The following ART4 variants were observed in gnomAD, a reference collection of about 807,000 sequenced individuals.
ART4 encodes ecto-ADP-ribosyltransferase 4.
ART4 carries 14 observed loss-of-function variants against 24.2 expected under a neutral mutation model. The ratio of observed to expected loss-of-function variants is 0.58; its 90% CI spans 0.38 to 0.90. ART4 has a LOEUF of 0.90. Among genes scored for constraint, ART4 ranks in the 40% least tolerant of loss-of-function variants. The probability of loss-of-function intolerance (pLI) is 0.00; values close to 1 mark genes in which losing one functional copy is unlikely to be tolerated. For synonymous variants in ART4, 145 were observed against 139.9 expected (o/e 1.04, Z -0.26); for missense variants, 356 against 366.6 (o/e 0.97, Z 0.24).
Position 14,826,227 on chromosome 12 carries a change from G to T in ART4, c.*3144C>A, listed in dbSNP as rs1397736886. On this transcript the variant is annotated 3_prime_UTR_variant, in exon 3 of 3. Transcript: ENST00000228936. ...TTTGGACTATAGGGAGAGACTGAGG[G>T]GATGTGAGCTATGTACATTTATCCT... 1 of 152,172 alleles carries T rather than the reference G, an allele frequency of 6.6e-6. No homozygotes were observed. The highest frequency in any genetic ancestry group is 2.4e-5 in the African/African-American group (1 of 41,432). 9.4% of individuals were successfully genotyped at this position (152,172 alleles called of 1,614,324 possible).
chr12:14,830,536 AGTGTGTGT>A (rs55694373), intron 2 of ART4, among the ~76,000 whole-genome samples: 14,846 of 124,088 alleles, frequency 0.12, 1,055 homozygotes, highest in South Asian at 0.19. Context: ...TCTATATAGG[AGTGTGTGT>A]GTGTGTGTGT....
chr12:14,842,542 T>C (rs1039301042), intron 1 of ART4, among the ~76,000 whole-genome samples: 3 of 152,232 alleles, frequency 2.0e-5, no homozygotes, highest in African/African-American at 7.2e-5. Flanking sequence ...TTTGTTAATA[T>C]GTTACTAGAT....
intron 2 of ART4, among the ~76,000 whole-genome samples, chr12:14,836,674 G>A (rs1950433238): frequency 6.6e-6 from 1 of 152,178 alleles, no homozygotes; most frequent in African/African-American, 2.4e-5. Context: ...TAGAACCAGA[G>A]GATGGACCAG....
intron 1 of ART4, 181 bp from the exon 2 acceptor site, chr12:14,841,334 T>TG: frequency 1.9e-6 from 1 of 536,472 alleles, no homozygotes; most frequent in Non-Finnish European, 3.1e-6. Context: ...GTGCTAGAGA[T>TG]TGAATTTGGT....
At chr12:14,835,586 G>A (rs1175961634) in intron 2 of ART4, among the ~76,000 whole-genome samples, 1 of 151,112 alleles carries the variant, frequency 6.6e-6, no homozygotes, top group East Asian at 1.9e-4. Flanking sequence ...GCGAATAACT[G>A]AAAACATTCT....
Position 14,841,025 on chromosome 12 carries a change from C to A in ART4, c.273G>T (p.Lys91Asn). ...CTTTTTGCCACATCCTAAAATAATT[C>A]TTCTGGGCTTCTATGTCTTTTGTGA... ...DYFTKDIEAQ[K>N]NYFRMWQKAH... Residue 91 changes from lysine to asparagine, a missense_variant, in exon 2 of 3, where the codon AAG becomes AAT. Coordinates refer to ENST00000228936, the MANE Select transcript of ART4 (RefSeq NM_021071.4). 1.9e-6 allele frequency: 3 copies of A among 1,614,172 alleles called. No homozygotes were observed. Among genetic ancestry groups the A allele is most frequent in the East Asian group, 2.2e-5 (1 of 44,884 alleles).
intron 1 of ART4, 127 bp downstream of exon 1, chr12:14,842,843 G>T (rs1863073511): frequency 1.7e-6 from 2 of 1,202,734 alleles, no homozygotes; most frequent in South Asian, 3.4e-5. Context: ...AACATGATTT[G>T]TTAAAATGTC....
At chr12:14,832,302 T>G (rs905774111) in intron 2 of ART4, among the ~76,000 whole-genome samples, 7 of 152,210 alleles carry the variant, frequency 4.6e-5, no homozygotes, top group Non-Finnish European at 8.8e-5. Context: ...TGCTTCTTAC[T>G]TGAGACATTT....
rs1418994888 is a variant in ART4 at position 14,826,491 on chromosome 12, GC to G, written c.*2879del. 6.6e-6 allele frequency: 1 copy of G among 152,160 alleles called. No individual in the cohort carries two copies. The highest frequency in any genetic ancestry group is 6.5e-5 in the Admixed American group (1 of 15,276). The allele number at this position is 152,160 out of a possible 1,614,324, so 9.4% of individuals were successfully genotyped here. On this transcript the variant is annotated 3_prime_UTR_variant, in exon 3 of 3. Coordinates refer to ENST00000228936, the MANE Select transcript of ART4 (RefSeq NM_021071.4). Reference sequence around the variant, plus strand: ...TCTGTAGTCTGTAGTCTGGGATCAGGCCCTAAAATTCACATTTCTAATGAGT... The same window carrying G: ...TCTGTAGTCTGTAGTCTGGGATCAGGCCTAAAATTCACATTTCTAATGAGT...
chr12:14,832,219 C>G (rs1321741014), intron 2 of ART4, among the ~76,000 whole-genome samples: 1 of 152,168 alleles, frequency 6.6e-6, no homozygotes, highest in Non-Finnish European at 1.5e-5. Flanking sequence ...CCTATGTGAT[C>G]GAATCTACAT....
intron 2 of ART4, among the ~76,000 whole-genome samples, chr12:14,832,189 C>T (rs1950401232): frequency 6.6e-6 from 1 of 152,186 alleles, no homozygotes; most frequent in Admixed American, 6.5e-5. Context: ...AGCCAAAGTC[C>T]TTACAACTGC....
intron 2 of ART4, among the ~76,000 whole-genome samples, chr12:14,839,097 A>T (rs1235789017): frequency 6.6e-6 from 1 of 152,132 alleles, no homozygotes; most frequent in East Asian, 1.9e-4. Context: ...GCCCTTTCTA[A>T]GATGTTGACC....
intron 2 of ART4, among the ~76,000 whole-genome samples, chr12:14,837,154 C>A (rs1950436467): frequency 6.6e-6 from 1 of 152,154 alleles, no homozygotes; most frequent in African/African-American, 2.4e-5. Context: ...CGTTTACAAG[C>A]TTTTCTGCAT....
At chr12:14,841,988 G>A (rs768217444) in intron 1 of ART4, among the ~76,000 whole-genome samples, 3 of 152,190 alleles carry the variant, frequency 2.0e-5, no homozygotes, top group Non-Finnish European at 2.9e-5. Flanking sequence ...ACAGCAGAGT[G>A]AGTCAAGGGT....
At position 14,829,354 on chromosome 12, in the gene ART4, G is replaced by T; in HGVS notation, c.*17C>A. On this transcript the variant is annotated 3_prime_UTR_variant, in exon 3 of 3. Coordinates refer to ENST00000228936, the MANE Select transcript of ART4 (RefSeq NM_021071.4). The stretch of plus-strand genomic sequence containing the variant: ...ATTTAAATATTTTTTTTAAATAAAA[G>T]GAGCCACAAGATTTCTTTATACTCT... 6.8e-7 allele frequency: 1 copy of T among 1,477,770 alleles called. No individual in the cohort carries two copies. Among genetic ancestry groups the T allele is most frequent in the South Asian group, 1.4e-5 (1 of 69,716 alleles). 91.5% of individuals were successfully genotyped at this position (1,477,770 alleles called of 1,614,324 possible).
Position 14,829,311 on chromosome 12 carries a change from G to T in ART4, c.*60C>A, listed in dbSNP as rs1212724505. The T allele has an allele frequency of 6.9e-6, 8 of 1,166,964 alleles. No homozygotes were observed. In the East Asian group the frequency reaches 1.9e-4, roughly 28 times the overall value. The allele number at this position is 1,166,964 out of a possible 1,614,324, so 72.3% of individuals were successfully genotyped here. A position where few individuals can be genotyped will look rare whatever the true frequency, so the allele number is the denominator to read the frequency against. On this transcript the variant is annotated 3_prime_UTR_variant, in exon 3 of 3. Coordinates refer to ENST00000228936, the MANE Select transcript of ART4 (RefSeq NM_021071.4). ...ATAAATGTCCATTTCTAGCCAAAAG[G>T]CCAATAAAAAAGATTTTATTTAAAT...
At chr12:14,841,470 G>T (rs1042073742) in intron 1 of ART4, among the ~76,000 whole-genome samples, 1 of 152,180 alleles carries the variant, frequency 6.6e-6, no homozygotes, top group African/African-American at 2.4e-5. Context: ...TCAAAATCTT[G>T]TAGTTTAATT....
chr12:14,839,392 A>G (rs1284938258), intron 2 of ART4, among the ~76,000 whole-genome samples: 1 of 152,210 alleles, frequency 6.6e-6, no homozygotes, highest in Non-Finnish European at 1.5e-5. Context: ...TGTTGCAATA[A>G]CAGAGTATCA....
intron 2 of ART4, among the ~76,000 whole-genome samples, chr12:14,836,396 G>A (rs939866701): frequency 2.6e-5 from 4 of 151,938 alleles, no homozygotes; most frequent in African/African-American, 9.7e-5. Context: ...AACCGAGAGG[G>A]CTACTAAGTG....
Sources: allele counts gnomAD v4.1 joint callset (sites outside exome capture counted in the v4.1 genomes callset), GRCh38; gene constraint gnomAD v4.1.1; transcripts MANE v1.5; gene names NCBI Gene and HGNC (gene_info 2026-07-23, HGNC 2026-07-21).